The following MED13L variants were observed in gnomAD, a reference collection of about 807,000 sequenced individuals.
MED13L encodes the protein mediator of RNA polymerase II transcription subunit 13-like.
In MED13L, 7 loss-of-function variants were observed where a neutral mutation model predicts 220.9. The ratio of observed to expected loss-of-function variants is 0.03; its 90% CI spans 0.02 to 0.06. The LOEUF is 0.06. Ranked by LOEUF, MED13L falls within the 10% of genes least tolerant of loss-of-function variation. The pLI is 1.00. For missense variants in MED13L, 1,965 were observed against 2,760.5 expected (o/e 0.71, Z 6.46); for synonymous variants, 1,011 against 1,015.2 (o/e 1.00, Z 0.08).
rs1407159429 is a variant in MED13L at position 115,983,164 on chromosome 12, A to C, written c.4908T>G (p.Thr1636=). 1 of 1,614,106 alleles carries C rather than the reference A, an allele frequency of 6.2e-7. No homozygotes were observed. The highest frequency in any genetic ancestry group is 1.1e-5 in the South Asian group (1 of 91,064). The change falls in exon 21 of 31, where the codon ACT becomes ACG. Residue 1636 remains threonine, a synonymous_variant. Transcript: ENST00000281928. ...TQGNIGCGGD[T]DPGQSSSQPS... is the part of the protein sequence containing the mutation. The stretch of plus-strand genomic sequence containing the variant: ...GCTGAGAAGAGCTCTGCCCAGGGTC[A>C]GTGTCTCCACCACAGCCTATGTTCC...
At chr12:116,112,660 T>C (rs966164989) in intron 2 of MED13L, among the ~76,000 whole-genome samples, 2 of 152,322 alleles carry the variant, frequency 1.3e-5, no homozygotes, top group African/African-American at 4.8e-5. Context: ...AGTTATGATA[T>C]TTATAGCAAG....
At chr12:116,196,253 T>C (rs1218129936) in intron 2 of MED13L, among the ~76,000 whole-genome samples, 2 of 152,186 alleles carry the variant, frequency 1.3e-5, no homozygotes, top group African/African-American at 2.4e-5. Flanking sequence ...TATTTTTTAC[T>C]GTTGACCTCA....
chr12:115,972,118 C>T lies in MED13L; in HGVS notation c.5850G>A (p.Leu1950=), dbSNP rs1482014512. The stretch of plus-strand genomic sequence containing the variant: ...AGGACCCCTGGGGCTCCATGGCAAC[C>T]AGGCAGGCACTAAGGATAGAAGGAG... The part of the protein sequence containing the change: ...ADSPSILSAC[L]VAMEPQGSFV... The change falls in exon 26 of 31, where the codon CTG becomes CTA. Residue 1950 remains leucine, a synonymous_variant. Coordinates refer to ENST00000281928, the MANE Select transcript of MED13L (RefSeq NM_015335.5). 9 of 1,613,912 alleles carry T rather than the reference C, an allele frequency of 5.6e-6. No homozygotes were observed. The highest frequency in any genetic ancestry group is 1.7e-5 in the Admixed American group (1 of 59,994).
intron 3 of MED13L, among the ~76,000 whole-genome samples, chr12:116,098,052 C>A (rs1427534521): frequency 6.6e-6 from 1 of 152,154 alleles, no homozygotes. Flanking sequence ...CGAGACTAGC[C>A]TGGCTAACAT....
chr12:116,236,256 A>G (rs1870066515), intron 2 of MED13L, among the ~76,000 whole-genome samples: 1 of 152,168 alleles, frequency 6.6e-6, no homozygotes, highest in African/African-American at 2.4e-5. Context: ...TAGACCAAAT[A>G]CCCTAAAAAA....
intron 25 of MED13L, among the ~76,000 whole-genome samples, chr12:115,973,823 C>T (rs1876752125): frequency 6.6e-6 from 1 of 152,128 alleles, no homozygotes; most frequent in Admixed American, 6.5e-5. Context: ...TACAGTACAA[C>T]TTATTACTTA....
At chr12:116,166,659 C>T (rs1359353638) in intron 2 of MED13L, among the ~76,000 whole-genome samples, 2 of 152,238 alleles carry the variant, frequency 1.3e-5, no homozygotes, top group East Asian at 3.9e-4. Context: ...TATACAGCAC[C>T]ATACTGCTCA....
Position 116,247,948 on chromosome 12 carries a change from T to C in MED13L, c.73-10243A>G, listed in dbSNP as rs114563169. 1.6e-3 allele frequency among the ~76,000 whole-genome samples: 241 copies of C among 152,338 alleles called. 1 individual carries two copies. The highest frequency in any genetic ancestry group is 5.5e-3 in the African/African-American group (227 of 41,578). ...TAATAAAGGTAAGAAATCTTGATCC[T>C]ATTCAACAGATCTAAATTATCAGTC... On this transcript the variant is annotated intron_variant, in intron 1 of 30. Coordinates refer to ENST00000281928, the MANE Select transcript of MED13L (RefSeq NM_015335.5).
intron 2 of MED13L, among the ~76,000 whole-genome samples, chr12:116,177,149 C>T (rs764407409): frequency 6.6e-6 from 1 of 152,088 alleles, no homozygotes. Context: ...CCCCCTCCCC[C>T]ACTCACCAAC....
chr12:116,152,548 T>G (rs1878119476), intron 2 of MED13L, among the ~76,000 whole-genome samples: 1 of 152,098 alleles, frequency 6.6e-6, no homozygotes, highest in African/African-American at 2.4e-5. Context: ...CCACCTTCCC[T>G]GCACTGTCAG....
In MED13L at chr12:116,019,827, G is replaced by A. The variant is rs148136300; in HGVS notation, c.771C>T (p.Asp257=). The part of the protein sequence containing the change: ...LKKKEESKEE[D]ELGYDDDFPV... ...GGAAATCATCATCATATCCCAACTC[G>A]TCTTCCTCTTTCGATTCTTCTTTCT... Residue 257 remains aspartate, a synonymous_variant, in exon 6 of 31, where the codon GAC becomes GAT. Transcript: ENST00000281928. The A allele has an allele frequency of 1.2e-4, 192 of 1,613,852 alleles. No homozygotes were observed. In the African/African-American group the frequency reaches 2.1e-3, roughly 18 times the overall value.
intron 4 of MED13L, among the ~76,000 whole-genome samples, chr12:116,087,497 T>TGA (rs1871796757): frequency 6.6e-6 from 1 of 152,122 alleles, no homozygotes; most frequent in Non-Finnish European, 1.5e-5. Context: ...TACAATGCTT[T>TGA]CCCCCTGCTG....
intron 2 of MED13L, among the ~76,000 whole-genome samples, chr12:116,155,097 G>A (rs544010960): frequency 6.6e-6 from 1 of 152,268 alleles, no homozygotes; most frequent in South Asian, 2.1e-4. Context: ...TAAGTGTTGG[G>A]ATTACAGGCG....
At chr12:116,183,803 GGT>G in intron 2 of MED13L, among the ~76,000 whole-genome samples, 1 of 110,164 alleles carries the variant, frequency 9.1e-6, no homozygotes, top group Non-Finnish European at 1.9e-5. Context: ...TAGAAAAAAT[GGT>G]GTGTGTGTGT....
At chr12:116,037,931 G>A (rs1375848105) in intron 4 of MED13L, among the ~76,000 whole-genome samples, 8 of 152,088 alleles carry the variant, frequency 5.3e-5, no homozygotes, top group Admixed American at 1.3e-4. Flanking sequence ...TCAGTGATGC[G>A]TGCTTGAAAA....
intron 2 of MED13L, among the ~76,000 whole-genome samples, chr12:116,212,712 A>G (rs879349830): frequency 2.0e-5 from 3 of 152,226 alleles, no homozygotes; most frequent in Non-Finnish European, 4.4e-5. Context: ...ATAGAAAACA[A>G]AATCAAATAA....
chr12:116,268,777 T>C (rs1172382442), intron 1 of MED13L, among the ~76,000 whole-genome samples: 2 of 152,210 alleles, frequency 1.3e-5, no homozygotes, highest in Non-Finnish European at 2.9e-5. Context: ...TTGTTTACAA[T>C]TACATATTTT....
intron 1 of MED13L, among the ~76,000 whole-genome samples, chr12:116,268,979 T>TGTG (rs1345445943): frequency 1.3e-5 from 2 of 152,242 alleles, no homozygotes; most frequent in African/African-American, 4.8e-5. Flanking sequence ...CTGGGGTACA[T>TGTG]GTGCAGGTTT....
At chr12:116,270,966 C>CCG (rs1873261946) in intron 1 of MED13L, among the ~76,000 whole-genome samples, 1 of 141,838 alleles carries the variant, frequency 7.1e-6, no homozygotes, top group Admixed American at 7.8e-5. Context: ...CGCTTGAACC[C>CCG]AGGAGGCGGA....
Sources: gnomAD v4.1 joint callset for allele counts (sites outside exome capture counted in the v4.1 genomes callset) on GRCh38, gnomAD v4.1.1 for gene constraint, MANE v1.5 for transcripts, NCBI Gene and HGNC (gene_info 2026-07-23, HGNC 2026-07-21) for gene names.